The following NDST4 variants were observed in gnomAD, a reference collection of about 807,000 sequenced individuals.
NDST4 encodes the protein N-deacetylase and N-sulfotransferase 4, also known as N-heparan sulfate sulfotransferase 4.
In NDST4, 63 loss-of-function variants were observed where a neutral mutation model predicts 100.8. That is an observed-to-expected ratio of 0.62 (90% CI 0.51 to 0.77). The LOEUF (loss-of-function observed/expected upper bound fraction) is 0.77. Ranked by LOEUF, NDST4 falls within the 30% of genes least tolerant of loss-of-function variation. The pLI is 0.00. For synonymous variants in NDST4, 377 were observed against 361.8 expected (o/e 1.04, Z -0.48); for missense variants, 943 against 1,018.4 (o/e 0.93, Z 1.01).
At chr4:114,840,228 T>G (rs2126183608) in intron 10 of NDST4, among the ~76,000 whole-genome samples, 1 of 152,266 alleles carries the variant, frequency 6.6e-6, no homozygotes, top group East Asian at 1.9e-4. Flanking sequence ...CACTTCTACT[T>G]TTCAGTATCA....
chr4:115,016,327 C>T (rs1727675887), intron 2 of NDST4, among the ~76,000 whole-genome samples: 1 of 152,058 alleles, frequency 6.6e-6, no homozygotes, highest in Admixed American at 6.6e-5. Context: ...GTCCAGTATA[C>T]GGTACTGCTT....
chr4:114,849,220 C>A (rs1313482921), intron 8 of NDST4, among the ~76,000 whole-genome samples: 1 of 152,186 alleles, frequency 6.6e-6, no homozygotes, highest in Non-Finnish European at 1.5e-5. Flanking sequence ...TCCCTCAGAG[C>A]CAGGCCGGAG....
At chr4:115,000,726 C>A (rs1012031997) in intron 2 of NDST4, among the ~76,000 whole-genome samples, 1 of 152,132 alleles carries the variant, frequency 6.6e-6, no homozygotes, top group African/African-American at 2.4e-5. Context: ...AATTACATCT[C>A]TCCTGAAATC....
chr4:114,951,206 A>G (rs1187430826), intron 4 of NDST4, among the ~76,000 whole-genome samples: 1 of 152,110 alleles, frequency 6.6e-6, no homozygotes, highest in Non-Finnish European at 1.5e-5. Context: ...CACATGAATG[A>G]ACACTTTAAT....
intron 4 of NDST4, among the ~76,000 whole-genome samples, chr4:114,962,766 G>A (rs74822619): frequency 0.015 from 2,274 of 152,162 alleles, 64 homozygotes; most frequent in African/African-American, 0.051. Context: ...TGCTATCACT[G>A]TCAAAATCCC....
intron 6 of NDST4, among the ~76,000 whole-genome samples, chr4:114,911,571 A>G (rs1038530448): frequency 1.3e-5 from 2 of 152,202 alleles, no homozygotes; most frequent in African/African-American, 4.8e-5. Flanking sequence ...AAGAAAATCC[A>G]TGCTCAGTAA....
intron 4 of NDST4, among the ~76,000 whole-genome samples, chr4:114,952,620 G>A (rs1726040749): frequency 6.6e-6 from 1 of 152,076 alleles, no homozygotes; most frequent in Non-Finnish European, 1.5e-5. Flanking sequence ...CAAGCAAAAA[G>A]TTCATGCTAT....
At chr4:114,907,784 G>C (rs765670522) in intron 6 of NDST4, among the ~76,000 whole-genome samples, 17 of 151,830 alleles carry the variant, frequency 1.1e-4, no homozygotes, top group Non-Finnish European at 2.2e-4. Flanking sequence ...TGTGGAAGAG[G>C]AGAAAGAAAA....
chr4:115,092,148 A>G (rs1729532667), intron 1 of NDST4, among the ~76,000 whole-genome samples: 1 of 152,188 alleles, frequency 6.6e-6, no homozygotes, highest in Non-Finnish European at 1.5e-5. Context: ...CCTGGGCAAT[A>G]CTGGGATCTG....
Position 114,872,495 on chromosome 4 carries a change from T to G in NDST4, c.1537-1545A>C, listed in dbSNP as rs189653653. Among the ~76,000 whole-genome samples the G allele has an allele frequency of 3.2e-3, 482 of 152,040 alleles. 2 individuals carry two copies. The highest frequency in any genetic ancestry group is 3.7e-3 in the Non-Finnish European group (250 of 67,884). ...TGGAAAAGATAGTCTCTATTATGTG[T>G]CATACTAGAATACTGAAAAAAATAT... is the stretch of plus-strand genomic sequence containing the variant. On this transcript the variant is annotated intron_variant, in intron 6 of 13. Transcript: ENST00000264363.
intron 2 of NDST4, among the ~76,000 whole-genome samples, chr4:115,044,574 G>A (rs1009409147): frequency 1.3e-5 from 2 of 151,902 alleles, no homozygotes; most frequent in Non-Finnish European, 2.9e-5. Flanking sequence ...TGGTTGAATA[G>A]TAGGATAAAA....
intron 6 of NDST4, among the ~76,000 whole-genome samples, chr4:114,915,679 T>A (rs1725152731): frequency 6.6e-6 from 1 of 152,312 alleles, no homozygotes; most frequent in African/African-American, 2.4e-5. Context: ...TCATTGGTTG[T>A]TAATTGAAAT....
At chr4:114,934,643 A>G (rs1284099207) in intron 6 of NDST4, among the ~76,000 whole-genome samples, 1 of 151,942 alleles carries the variant, frequency 6.6e-6, no homozygotes, top group Non-Finnish European at 1.5e-5. Context: ...TGGCTGGGGG[A>G]AAGTTCGTGG....
intron 6 of NDST4, among the ~76,000 whole-genome samples, chr4:114,872,840 T>C (rs1476261126): frequency 3.9e-5 from 6 of 151,980 alleles, no homozygotes; most frequent in Non-Finnish European, 7.4e-5. Flanking sequence ...GGCAGTCAGA[T>C]TCCCAATTCT....
At chr4:114,843,174 A>G (rs1267647110) in intron 10 of NDST4, among the ~76,000 whole-genome samples, 1 of 152,194 alleles carries the variant, frequency 6.6e-6, no homozygotes, top group Non-Finnish European at 1.5e-5. Context: ...TTTTGTATAC[A>G]TATTTCGTTT....
intron 1 of NDST4, among the ~76,000 whole-genome samples, chr4:115,111,338 A>G (rs1729948360): frequency 6.6e-6 from 1 of 151,902 alleles, no homozygotes; most frequent in Non-Finnish European, 1.5e-5. Context: ...TTTAATCTCA[A>G]ATAAAAAATG....
intron 1 of NDST4, among the ~76,000 whole-genome samples, chr4:115,110,593 A>G (rs1449639144): frequency 1.3e-5 from 2 of 151,888 alleles, no homozygotes; most frequent in Non-Finnish European, 2.9e-5. Flanking sequence ...TTGTTTTGGC[A>G]TGTATCCATA....
At chr4:114,969,214 T>G (rs1448707411) in intron 4 of NDST4, among the ~76,000 whole-genome samples, 3 of 148,780 alleles carry the variant, frequency 2.0e-5, no homozygotes, top group African/African-American at 7.4e-5. Flanking sequence ...CTTGGGAGGC[T>G]GAGGCAGGAG....
chr4:114,946,084 G>T (rs1342435143), intron 4 of NDST4, among the ~76,000 whole-genome samples: 1 of 152,194 alleles, frequency 6.6e-6, no homozygotes, highest in Admixed American at 6.5e-5. Flanking sequence ...TGACCCTGCT[G>T]AAGGTCTACT....
Sources: allele counts gnomAD v4.1 joint callset (sites outside exome capture counted in the v4.1 genomes callset), GRCh38; gene constraint gnomAD v4.1.1; transcripts MANE v1.5; gene names NCBI Gene and HGNC (gene_info 2026-07-23, HGNC 2026-07-21).